GALNTL6: variants seen among roughly 807,000 people sequenced by gnomAD.
GALNTL6 encodes polypeptide N-acetylgalactosaminyltransferase-like 6.
GALNTL6 carries 46 observed loss-of-function variants against 73.7 expected under a neutral mutation model. The observed-to-expected ratio is 0.62, with a 90% CI of 0.49 to 0.80. The LOEUF (loss-of-function observed/expected upper bound fraction) is 0.80. Among genes scored for constraint, GALNTL6 ranks in the 30% least tolerant of loss-of-function variants. The probability of loss-of-function intolerance (pLI) is 0.00; values close to 1 mark genes in which losing one functional copy is unlikely to be tolerated. For synonymous variants in GALNTL6, 259 were observed against 263.7 expected (o/e 0.98, Z 0.17); for missense variants, 604 against 755.0 (o/e 0.80, Z 2.34).
At chr4:172,791,304 A>G (rs761275200) in intron 5 of GALNTL6, among the ~76,000 whole-genome samples, 2 of 152,218 alleles carry the variant, frequency 1.3e-5, no homozygotes, top group Non-Finnish European at 2.9e-5. Context: ...TCAAGGAAAC[A>G]AAGTTTTAAA....
chr4:172,459,018 A>G (rs374143626), intron 5 of GALNTL6, among the ~76,000 whole-genome samples: 4 of 152,244 alleles, frequency 2.6e-5, no homozygotes, highest in South Asian at 2.1e-4. Context: ...ATCCACCAGG[A>G]TTAAGTCGGC....
intron 2 of GALNTL6, among the ~76,000 whole-genome samples, chr4:171,930,355 A>C (rs1161170970): frequency 2.0e-5 from 3 of 152,232 alleles, no homozygotes. Flanking sequence ...AGACCATGCT[A>C]CTGAGTCCAC....
intron 2 of GALNTL6, among the ~76,000 whole-genome samples, chr4:171,863,455 C>T (rs991689918): frequency 5.9e-5 from 9 of 152,178 alleles, no homozygotes; most frequent in African/African-American, 2.2e-4. Flanking sequence ...TTGGTAATTG[C>T]TACCCTGTTT....
At chr4:171,895,908 GAA>G (rs138703756) in intron 2 of GALNTL6, among the ~76,000 whole-genome samples, 1 of 145,344 alleles carries the variant, frequency 6.9e-6, no homozygotes, top group Admixed American at 6.9e-5. Flanking sequence ...ATGCAATAGT[GAA>G]AAAAAAAACA....
chr4:173,020,182 C>G (rs570194773), intron 11 of GALNTL6, among the ~76,000 whole-genome samples: 1 of 152,308 alleles, frequency 6.6e-6, no homozygotes, highest in African/African-American at 2.4e-5. Context: ...CTTTCAAATA[C>G]CCTTATTTGT....
chr4:171,906,300 G>A (rs1279394747), intron 2 of GALNTL6, among the ~76,000 whole-genome samples: 4 of 151,234 alleles, frequency 2.6e-5, no homozygotes, highest in Non-Finnish European at 5.9e-5. Flanking sequence ...AATAAAAAAT[G>A]ATAAAGGGAA....
intron 2 of GALNTL6, among the ~76,000 whole-genome samples, chr4:172,066,234 A>G (rs1731358735): frequency 6.6e-6 from 1 of 152,134 alleles, no homozygotes; most frequent in Admixed American, 6.6e-5. Flanking sequence ...GAAAATCTTC[A>G]GTGGTGTGCC....
At chr4:172,182,968 C>A (rs1240710631) in intron 2 of GALNTL6, among the ~76,000 whole-genome samples, 1 of 152,064 alleles carries the variant, frequency 6.6e-6, no homozygotes, top group Non-Finnish European at 1.5e-5. Flanking sequence ...AAGTTGATAT[C>A]TAGCTTTCCA....
At chr4:172,028,314 AAT>A (rs1491545430) in intron 2 of GALNTL6, among the ~76,000 whole-genome samples, 1 of 134,430 alleles carries the variant, frequency 7.4e-6, no homozygotes, top group African/African-American at 2.5e-5. Context: ...ACTTCAAAAA[AAT>A]ATAAAGTTGA....
intron 5 of GALNTL6, among the ~76,000 whole-genome samples, chr4:172,569,480 A>G (rs1292636878): frequency 2.6e-5 from 4 of 152,194 alleles, no homozygotes; most frequent in African/African-American, 9.7e-5. Flanking sequence ...TATTAATTGC[A>G]ATGCGTGAAA....
At chr4:172,142,473 T>C (rs1231010672) in intron 2 of GALNTL6, among the ~76,000 whole-genome samples, 1 of 152,066 alleles carries the variant, frequency 6.6e-6, no homozygotes, top group Admixed American at 6.5e-5. Context: ...TTTCATCAGC[T>C]TTTCTAGCAT....
chr4:172,266,995 A>G (rs554897544), intron 3 of GALNTL6, among the ~76,000 whole-genome samples: 1 of 152,264 alleles, frequency 6.6e-6, no homozygotes, highest in South Asian at 2.1e-4. Context: ...GGGAATTTTT[A>G]TTTTAACAGT....
intron 5 of GALNTL6, among the ~76,000 whole-genome samples, chr4:172,606,531 T>G: frequency 7.1e-6 from 1 of 139,950 alleles, no homozygotes; most frequent in Non-Finnish European, 1.5e-5. Flanking sequence ...GAGCAGAACA[T>G]GGATATAAGA....
chr4:171,821,184 C>T (rs1312578673), intron 2 of GALNTL6, among the ~76,000 whole-genome samples: 2 of 152,022 alleles, frequency 1.3e-5, no homozygotes, highest in South Asian at 4.1e-4. Flanking sequence ...TACAGGCAGG[C>T]GCCATGATAC....
intron 5 of GALNTL6, among the ~76,000 whole-genome samples, chr4:172,728,256 C>A (rs1239559368): frequency 6.6e-6 from 1 of 152,148 alleles, no homozygotes; most frequent in Non-Finnish European, 1.5e-5. Context: ...TATCCTTCTT[C>A]CTTTTCTCTT....
At chr4:172,158,867 A>G (rs1734366341) in intron 2 of GALNTL6, among the ~76,000 whole-genome samples, 1 of 152,238 alleles carries the variant, frequency 6.6e-6, no homozygotes, top group African/African-American at 2.4e-5. Context: ...ATATGCTATT[A>G]AAAATTCTAC....
chr4:172,177,347 G>C (rs1470670958), intron 2 of GALNTL6, among the ~76,000 whole-genome samples: 2 of 152,078 alleles, frequency 1.3e-5, no homozygotes, highest in African/African-American at 4.8e-5. Flanking sequence ...AATCATATTG[G>C]AGCATCTTTA....
intron 2 of GALNTL6, among the ~76,000 whole-genome samples, chr4:171,861,849 C>A (rs1237628304): frequency 6.6e-6 from 1 of 152,038 alleles, no homozygotes; most frequent in Non-Finnish European, 1.5e-5. Flanking sequence ...TTTACAAAAT[C>A]GCTTATATTA....
At chr4:172,805,513 G>C (rs565131720) in intron 5 of GALNTL6, among the ~76,000 whole-genome samples, 1 of 152,154 alleles carries the variant, frequency 6.6e-6, no homozygotes, top group East Asian at 1.9e-4. Flanking sequence ...GGATATACGG[G>C]TGCTCAGTGG....
Sources: allele counts gnomAD v4.1 joint callset (sites outside exome capture counted in the v4.1 genomes callset), GRCh38; gene constraint gnomAD v4.1.1; transcripts MANE v1.5; gene names NCBI Gene and HGNC (gene_info 2026-07-23, HGNC 2026-07-21).